Variants in IL31RA observed in about 807,000 individuals in gnomAD.
The protein encoded by IL31RA is interleukin-31 receptor subunit alpha.
In IL31RA, 66 loss-of-function variants were observed where a neutral mutation model predicts 83.7. That is an observed-to-expected ratio of 0.79 (90% CI 0.65 to 0.97). The LOEUF is 0.97. Ranked by LOEUF, IL31RA falls within the 50% of genes least tolerant of loss-of-function variation. The pLI is 0.00. For missense variants in IL31RA, 798 were observed against 919.4 expected, an observed-to-expected ratio of 0.87 and a Z score of 1.71; for synonymous variants, 325 against 329.0, an observed-to-expected ratio of 0.99 and a Z score of 0.13.
intron 5 of IL31RA, among the ~76,000 whole-genome samples, chr5:55,885,636 G>C (rs975811827): frequency 2.6e-5 from 4 of 152,178 alleles, no homozygotes; most frequent in Non-Finnish European, 5.9e-5. Context: ...AAAAGCATCT[G>C]ATGTAAACAC....
In IL31RA at chr5:55,919,960, T is replaced by TA. The variant is rs1351364782; in HGVS notation, c.*2845dup. 6.6e-6 allele frequency among the ~76,000 whole-genome samples: 1 copy of TA among 152,270 alleles called. No individual in the cohort carries two copies. ...AAGACTTGTGTTTTAGCAAGGTTAT[T>TA]AAAAATGGATAAACCAGTTTTCTGA... is the stretch of plus-strand genomic sequence containing the variant. On this transcript the variant is annotated 3_prime_UTR_variant, in exon 15 of 15. Coordinates refer to ENST00000652347, the MANE Select transcript of IL31RA (RefSeq NM_139017.7).
At chr5:55,874,932 C>A (rs1355914834) in intron 4 of IL31RA, among the ~76,000 whole-genome samples, 2 of 152,100 alleles carry the variant, frequency 1.3e-5, no homozygotes, top group African/African-American at 4.8e-5. Context: ...AGCAGACATC[C>A]TTTTCTTGTT....
At position 55,903,458 on chromosome 5, in the gene IL31RA, C is replaced by T. The variant is rs765021467; in HGVS notation, c.1070-2648C>T. On this transcript the variant is annotated intron_variant, in intron 8 of 14. Transcript: ENST00000652347. This position sits in a 1 kb window ranked among gnomAD's most constrained non-coding sequence, Gnocchi z 4.7. ...GCTCTTGTTGAATGATGGAAGGACC[C>T]GGCGATTCGTTTATATTGAGTAGAG... 5.3e-5 allele frequency among the ~76,000 whole-genome samples: 8 copies of T among 152,174 alleles called. No individual in the cohort carries two copies. Among genetic ancestry groups the T allele is most frequent in the South Asian group, 2.1e-4 (1 of 4,824 alleles).
the IL31RA span, among the ~76,000 whole-genome samples, chr5:55,840,669 C>A: frequency 2.6e-5 from 4 of 152,106 alleles, no homozygotes; most frequent in Non-Finnish European, 5.9e-5. Flanking sequence ...TTTGTATGTT[C>A]TCTGTGTTTA....
In IL31RA at chr5:55,865,380, C is replaced by T. The variant is rs553734216; in HGVS notation, c.155-3411C>T. Among the ~76,000 whole-genome samples the T allele has an allele frequency of 2.6e-5, 4 of 152,174 alleles. No individual in the cohort carries two copies. The East Asian group carries it at 5.8e-4, about 22-fold the overall frequency. ...AGGAAGGCAGCTTCTCTGGAGAGAG[C>T]GAGAAAAGTTGACACAACAGGAAGC... On this transcript the variant is annotated intron_variant, in intron 2 of 14. Transcript: ENST00000652347.
upstream of IL31RA, among the ~76,000 whole-genome samples, chr5:55,850,545 G>A (rs1745027333): frequency 6.6e-6 from 1 of 150,812 alleles, no homozygotes; most frequent in African/African-American, 2.5e-5. Flanking sequence ...TTCTATGAAG[G>A]TTTAACTAAT....
At position 55,859,529 on chromosome 5, in the gene IL31RA, T is replaced by G. The variant is rs1364811584; in HGVS notation, c.84T>G (p.Cys28Trp). 6.2e-7 allele frequency: 1 copy of G among 1,613,870 alleles called. No individual in the cohort carries two copies. The highest frequency in any genetic ancestry group is 8.5e-7 in the Non-Finnish European group (1 of 1,179,704). Residue 28 changes from cysteine (C) to tryptophan (W), a missense_variant, in exon 2 of 15, where the codon TGT (cysteine) becomes TGG (tryptophan). Physicochemically the swap from Cys to Trp is radical, Grantham distance 215. Transcript: ENST00000652347. ...TTCAGCTCTCTCCCCAGCCTTCATG[T>G]GTTAACCTGGGGATGATGTGGACCT... Reference protein sequence around the residue: ...PQNILSPQPSCVNLGMMWTWA... With the variant: ...PQNILSPQPSWVNLGMMWTWA...
upstream of IL31RA, among the ~76,000 whole-genome samples, chr5:55,847,243 AAAAATAAAT>A (rs1375737930): frequency 5.1e-4 from 10 of 19,640 alleles, 1 homozygote; most frequent in African/African-American, 1.0e-3. Flanking sequence ...AAAAAAAAAT[AAAAATAAAT>A]AAATAAATAA....
At chr5:55,868,041 A>T (rs1169091967) in intron 2 of IL31RA, among the ~76,000 whole-genome samples, 1 of 152,218 alleles carries the variant, frequency 6.6e-6, no homozygotes, top group Admixed American at 6.5e-5. Context: ...AATATTTGTG[A>T]TTTATAATGG....
chr5:55,879,734 CTTTT>C (rs5868002), intron 4 of IL31RA, among the ~76,000 whole-genome samples: 6 of 142,712 alleles, frequency 4.2e-5, no homozygotes, highest in African/African-American at 1.5e-4. Context: ...CCAGTCCAGT[CTTTT>C]TTTTTTTTTT....
the IL31RA span, among the ~76,000 whole-genome samples, chr5:55,842,279 G>A: frequency 2.0e-5 from 3 of 152,236 alleles, no homozygotes; most frequent in East Asian, 1.9e-4. Flanking sequence ...ATCACATTTC[G>A]AGATCTTTAC....
In IL31RA at chr5:55,906,137, C is replaced by A; in HGVS notation, c.1101C>A (p.Cys367Ter). The change falls in exon 9 of 15, where the codon TGC becomes TGA. Residue 367 changes from cysteine to a stop codon, truncating the protein, a stop_gained. Transcript: ENST00000652347. LOFTEE classifies it high-confidence loss of function. Reference sequence around the variant, plus strand: ...AGTGCATTGAGGTCATGCAGGCCTGCGTTGCTGAGGACCAGCTAGTGGTGA... The same window carrying A: ...AGTGCATTGAGGTCATGCAGGCCTGAGTTGCTGAGGACCAGCTAGTGGTGA... ...SFQCIEVMQA[C>*]VAEDQLVVKW... The A allele has an allele frequency of 3.1e-6, 5 of 1,613,584 alleles. No homozygotes were observed. Among genetic ancestry groups the A allele is most frequent in the Non-Finnish European group, 4.2e-6 (5 of 1,179,958 alleles).
rs1165437019 is a variant in IL31RA, at chr5:55,853,368, C to T, written c.63+1735C>T. On this transcript the variant is annotated intron_variant, in intron 1 of 14. Transcript: ENST00000652347. ...TCCCAGCATAAGTGGGTAAGTGCCACTTTGACTTGGGCTGGGCTTAAAAGC... is the reference window on the plus strand; with the variant it reads ...TCCCAGCATAAGTGGGTAAGTGCCATTTTGACTTGGGCTGGGCTTAAAAGC... 25 of 1,329,222 alleles carry T rather than the reference C, an allele frequency of 1.9e-5. No homozygotes were observed. In the East Asian group the frequency reaches 6.8e-4, roughly 36 times the overall value. The allele number at this position is 1,329,222 out of a possible 1,614,324, so 82.3% of individuals were successfully genotyped here. A position where few individuals can be genotyped will look rare whatever the true frequency, so the allele number is the denominator to read the frequency against.
At position 55,883,081 on chromosome 5, in the gene IL31RA, A is replaced by G; in HGVS notation, c.492A>G (p.Pro164=). Residue 164 remains proline (P), a synonymous_variant, in exon 5 of 15, where the codon CCA becomes CCG. Transcript: ENST00000652347. The part of the protein sequence containing the change: ...TEPPKIFRVK[P]VLGIKRMIQI... ...CACCTAAGATTTTCCGTGTGAAACC[A>G]GTTTTGGGCATCAAACGAATGATTC... 6.2e-7 allele frequency: 1 copy of G among 1,614,036 alleles called. No individual in the cohort carries two copies.
chr5:55,921,443 T>G lies in IL31RA; in HGVS notation c.*4323T>G, dbSNP rs1750085784. Among the ~76,000 whole-genome samples, 1 of 152,262 alleles carries G rather than the reference T, an allele frequency of 6.6e-6. No homozygotes were observed. The highest frequency in any genetic ancestry group is 1.5e-5 in the Non-Finnish European group (1 of 68,042). ...GATAGGATTCGTTTAAAGGTCCTCC[T>G]AGTATAGAGTGCAATGCGATAAACA... is the stretch of plus-strand genomic sequence containing the variant. On this transcript the variant is annotated 3_prime_UTR_variant, in exon 15 of 15. Transcript: ENST00000652347.
chr5:55,901,245 T>G (rs1260867761), intron 8 of IL31RA, among the ~76,000 whole-genome samples: 2 of 152,232 alleles, frequency 1.3e-5, no homozygotes, highest in African/African-American at 4.8e-5. Context: ...ACCCTAGTGA[T>G]GAAGTTCCTG....
intron 8 of IL31RA, chr5:55,902,425 C>T (rs1748878936): frequency 8.4e-6 from 1 of 118,578 alleles, no homozygotes; most frequent in Non-Finnish European, 1.7e-5. Flanking sequence ...GAGTTCAAGA[C>T]AAGTCCAGGC....
chr5:55,908,492 C>T (rs770615473), intron 11 of IL31RA, 81 bp downstream of exon 11: 2 of 1,613,278 alleles, frequency 1.2e-6, no homozygotes, highest in East Asian at 4.5e-5. Flanking sequence ...AGGCATGGCT[C>T]CCCCATCTCA....
chr5:55,914,870 C>G lies in IL31RA; in HGVS notation c.1760C>G (p.Pro587Arg). The G allele has an allele frequency of 6.2e-7, 1 of 1,613,402 alleles. No individual in the cohort carries two copies. Among genetic ancestry groups the G allele is most frequent in the Non-Finnish European group, 8.5e-7 (1 of 1,179,336 alleles). ...KPNKLTHLCWPTVPNPAESSI... is the reference protein window; with the variant it reads ...KPNKLTHLCWRTVPNPAESSI... ...AGCAAATTGACTCATCTGTGTTGGCCCACCGTTCCCAACCCTGCTGAAAGT... is the reference window on the plus strand; with the variant it reads ...AGCAAATTGACTCATCTGTGTTGGCGCACCGTTCCCAACCCTGCTGAAAGT... The change falls in exon 14 of 15, where the codon CCC (proline) becomes CGC (arginine). Residue 587 changes from proline to arginine, a missense_variant. Physicochemically the swap from Pro to Arg is moderately radical, Grantham distance 103. Coordinates refer to ENST00000652347, the MANE Select transcript of IL31RA (RefSeq NM_139017.7).
Sources: allele counts gnomAD v4.1 joint callset (sites outside exome capture counted in the v4.1 genomes callset), GRCh38; gene constraint gnomAD v4.1.1; non-coding constraint Gnocchi (gnomAD v3.1); transcripts MANE v1.5; gene names NCBI Gene and HGNC (gene_info 2026-07-23, HGNC 2026-07-21).